Variants in CNTN4 observed in about 807,000 individuals in gnomAD.
CNTN4 encodes the protein contactin-4.
A neutral mutation model predicts 122.5 loss-of-function variants in CNTN4; 77 were observed. That is an observed-to-expected ratio of 0.63 (90% CI 0.52 to 0.76). The LOEUF (loss-of-function observed/expected upper bound fraction) is 0.76. CNTN4 is among the 30% of genes least tolerant of loss of function. The pLI is 0.00. For missense variants in CNTN4, 1,256 were observed against 1,259.1 expected, an observed-to-expected ratio of 1.00 and a Z score of 0.04; for synonymous variants, 512 against 447.0, an observed-to-expected ratio of 1.15 and a Z score of -1.83.
chr3:2,169,674 G>C (rs2036377431), intron 2 of CNTN4, among the ~76,000 whole-genome samples: 1 of 151,968 alleles, frequency 6.6e-6, no homozygotes, highest in Admixed American at 6.5e-5. Flanking sequence ...TGGGATTACA[G>C]GCGTGAGCCA....
chr3:2,316,915 ATTAAG>A (rs2043120484), intron 2 of CNTN4, among the ~76,000 whole-genome samples: 2 of 152,230 alleles, frequency 1.3e-5, no homozygotes, highest in African/African-American at 4.8e-5. Context: ...ACACACACCA[ATTAAG>A]TTGACAGTGA....
intron 2 of CNTN4, among the ~76,000 whole-genome samples, chr3:2,222,077 A>G (rs555141090): frequency 7.9e-4 from 121 of 152,300 alleles, no homozygotes; most frequent in Non-Finnish European, 1.1e-3. Flanking sequence ...GAAAACATAA[A>G]TGAACACCAA....
At chr3:2,630,019 CT>C (rs2082361917) in intron 4 of CNTN4, among the ~76,000 whole-genome samples, 1 of 152,170 alleles carries the variant, frequency 6.6e-6, no homozygotes, top group South Asian at 2.1e-4. Context: ...TCTCTACCTG[CT>C]TTTGTAAATG....
intron 10 of CNTN4, among the ~76,000 whole-genome samples, chr3:2,895,848 C>A (rs1376852313): frequency 1.3e-5 from 2 of 152,140 alleles, no homozygotes; most frequent in African/African-American, 2.4e-5. Flanking sequence ...TCCTGGCTAA[C>A]AGGGTGAAAC....
chr3:2,418,591 T>C (rs28580516), intron 3 of CNTN4, among the ~76,000 whole-genome samples: 52,823 of 152,010 alleles, frequency 0.35, 9,605 homozygotes, highest in East Asian at 0.56. Flanking sequence ...GGCGATTGCA[T>C]TTCTTTATTT....
chr3:2,409,719 C>T (rs945013450), intron 3 of CNTN4, among the ~76,000 whole-genome samples: 86 of 152,064 alleles, frequency 5.7e-4, no homozygotes, highest in African/African-American at 2.0e-3. Flanking sequence ...TTAGACTGTA[C>T]TTGAATATAA....
intron 2 of CNTN4, among the ~76,000 whole-genome samples, chr3:2,287,146 A>G (rs1052232347): frequency 4.6e-5 from 7 of 152,190 alleles, no homozygotes; most frequent in African/African-American, 1.7e-4. Flanking sequence ...GAACTAGCTA[A>G]GTTTTACACT....
intron 3 of CNTN4, among the ~76,000 whole-genome samples, chr3:2,366,326 G>A (rs4685518): frequency 0.37 from 56,212 of 152,002 alleles, 10,565 homozygotes; most frequent in Middle Eastern, 0.47. Context: ...CTTTTTATAA[G>A]TCATCCACAA....
chr3:2,589,694 G>A (rs1016608432), intron 4 of CNTN4, among the ~76,000 whole-genome samples: 1 of 152,220 alleles, frequency 6.6e-6, no homozygotes. Flanking sequence ...ATCAGCTGGG[G>A]CTGCGGTTGC....
intron 2 of CNTN4, among the ~76,000 whole-genome samples, chr3:2,124,247 A>C (rs1391255678): frequency 6.6e-6 from 1 of 152,172 alleles, no homozygotes; most frequent in Non-Finnish European, 1.5e-5. Flanking sequence ...AGTGAGGAAT[A>C]AGATGCCAGC....
At chr3:2,363,312 C>T (rs879822477) in intron 3 of CNTN4, among the ~76,000 whole-genome samples, 2 of 152,210 alleles carry the variant, frequency 1.3e-5, no homozygotes, top group Admixed American at 6.5e-5. Flanking sequence ...AGCCTGTCAC[C>T]TCTCTTCTTC....
At chr3:2,584,008 G>A (rs2149588720) in intron 4 of CNTN4, among the ~76,000 whole-genome samples, 1 of 152,222 alleles carries the variant, frequency 6.6e-6, no homozygotes, top group African/African-American at 2.4e-5. Flanking sequence ...GAAAAATCTG[G>A]GTTCAAAACC....
intron 2 of CNTN4, among the ~76,000 whole-genome samples, chr3:2,329,333 A>G (rs1210662966): frequency 6.6e-6 from 1 of 152,182 alleles, no homozygotes; most frequent in Non-Finnish European, 1.5e-5. Flanking sequence ...GTTTTCTGCC[A>G]AGAAGTGCCA....
chr3:2,757,465 A>G (rs534804993), intron 6 of CNTN4, among the ~76,000 whole-genome samples: 4 of 152,268 alleles, frequency 2.6e-5, no homozygotes, highest in East Asian at 1.9e-4. Context: ...GAAACTGGCT[A>G]TTATCACGTT....
chr3:2,165,172 A>G (rs932985547), intron 2 of CNTN4, among the ~76,000 whole-genome samples: 3 of 151,910 alleles, frequency 2.0e-5, no homozygotes, highest in African/African-American at 7.3e-5. Context: ...AAAATACAAA[A>G]ATTAGCTGGG....
intron 23 of CNTN4, among the ~76,000 whole-genome samples, chr3:3,048,793 TA>T (rs1700948941): frequency 1.3e-5 from 2 of 152,178 alleles, no homozygotes; most frequent in African/African-American, 4.8e-5. Context: ...GGTGTGGGTT[TA>T]TTTTCCCTTC....
chr3:3,049,472 T>C (rs1175145411), intron 23 of CNTN4, among the ~76,000 whole-genome samples: 1 of 152,222 alleles, frequency 6.6e-6, no homozygotes, highest in Non-Finnish European at 1.5e-5. Context: ...GTTTAGTCAC[T>C]TGCCTTTCAC....
chr3:2,185,996 A>G (rs1191845192), intron 2 of CNTN4, among the ~76,000 whole-genome samples: 1 of 152,016 alleles, frequency 6.6e-6, no homozygotes, highest in African/African-American at 2.4e-5. Flanking sequence ...TTTATTACAT[A>G]TGTATACATG....
At chr3:3,004,066 G>A (rs1033912243) in intron 14 of CNTN4, among the ~76,000 whole-genome samples, 11 of 151,696 alleles carry the variant, frequency 7.3e-5, no homozygotes, top group Non-Finnish European at 1.3e-4. Context: ...GGCCTGAAGC[G>A]TATACTTTAA....
Sources: allele counts gnomAD v4.1 joint callset (sites outside exome capture counted in the v4.1 genomes callset), GRCh38; gene constraint gnomAD v4.1.1; transcripts MANE v1.5; gene names NCBI Gene and HGNC (gene_info 2026-07-23, HGNC 2026-07-21).